GPR137C: variants seen among roughly 807,000 people sequenced by gnomAD.
GPR137C encodes the protein integral membrane protein GPR137C.
Under a neutral mutation model 43.4 loss-of-function variants are expected in GPR137C, and 27 were observed. The ratio of observed to expected loss-of-function variants is 0.62; its 90% CI spans 0.46 to 0.86. GPR137C has a LOEUF of 0.86. GPR137C is among the 40% of genes least tolerant of loss of function. GPR137C has a pLI of 0.00. For missense variants in GPR137C, 522 were observed against 534.6 expected, an observed-to-expected ratio of 0.98 and a Z score of 0.23; for synonymous variants, 285 against 226.9, an observed-to-expected ratio of 1.26 and a Z score of -2.30.
intron 4 of GPR137C, among the ~76,000 whole-genome samples, chr14:52,633,032 C>G (rs531808688): frequency 6.6e-6 from 1 of 152,200 alleles, no homozygotes; most frequent in African/African-American, 2.4e-5. Flanking sequence ...ATTCTATTCA[C>G]TCCTTTTTCC....
intron 1 of GPR137C, among the ~76,000 whole-genome samples, chr14:52,596,407 C>A (rs2038855723): frequency 6.6e-6 from 1 of 152,212 alleles, no homozygotes; most frequent in Non-Finnish European, 1.5e-5. Context: ...GCCTTTTGTT[C>A]AGCTATGCCC....
At chr14:52,582,754 A>G (rs1293299167) in intron 1 of GPR137C, among the ~76,000 whole-genome samples, 1 of 152,206 alleles carries the variant, frequency 6.6e-6, no homozygotes, top group Admixed American at 6.5e-5. Flanking sequence ...AGATCATGGC[A>G]GTGCACTCCA....
intron 1 of GPR137C, among the ~76,000 whole-genome samples, chr14:52,565,418 T>G (rs2038353763): frequency 6.6e-6 from 1 of 152,192 alleles, no homozygotes; most frequent in Non-Finnish European, 1.5e-5. Flanking sequence ...AATTTATACC[T>G]TATGGAAAAA....
At chr14:52,580,837 T>C in intron 1 of GPR137C, among the ~76,000 whole-genome samples, 1 of 147,642 alleles carries the variant, frequency 6.8e-6, no homozygotes, top group Middle Eastern at 3.6e-3. Context: ...AATATTTATA[T>C]GTATATATTA....
chr14:52,631,290 T>C (rs2039290996), intron 3 of GPR137C, among the ~76,000 whole-genome samples: 1 of 152,158 alleles, frequency 6.6e-6, no homozygotes, highest in South Asian at 2.1e-4. Context: ...TTGCAAGTCA[T>C]CTAGCATCCC....
At chr14:52,564,182 G>C (rs546551723) in intron 1 of GPR137C, among the ~76,000 whole-genome samples, 8 of 150,622 alleles carry the variant, frequency 5.3e-5, no homozygotes, top group Admixed American at 2.0e-4. Flanking sequence ...GGCTGAGGCA[G>C]GAGAATTGCT....
chr14:52,560,238 G>A (rs1195451431), intron 1 of GPR137C, among the ~76,000 whole-genome samples: 1 of 152,038 alleles, frequency 6.6e-6, no homozygotes, highest in East Asian at 1.9e-4. Context: ...ACCTCTACAA[G>A]GAAAACTACA....
chr14:52,585,889 C>T (rs1278732916), intron 1 of GPR137C, among the ~76,000 whole-genome samples: 1 of 152,070 alleles, frequency 6.6e-6, no homozygotes, highest in African/African-American at 2.4e-5. Flanking sequence ...AGTGAAAGAC[C>T]GTTTATCACT....
chr14:52,562,286 T>C (rs1039433048), intron 1 of GPR137C, among the ~76,000 whole-genome samples: 4 of 152,234 alleles, frequency 2.6e-5, no homozygotes, highest in Non-Finnish European at 4.4e-5. Flanking sequence ...TTCCTTCTTA[T>C]AAAAATTAGA....
chr14:52,558,315 T>A (rs189460065), intron 1 of GPR137C, among the ~76,000 whole-genome samples: 137 of 152,284 alleles, frequency 9.0e-4, no homozygotes, highest in Non-Finnish European at 1.6e-3. Flanking sequence ...CAGAATCCTT[T>A]AAGTGTACAC....
chr14:52,575,331 G>T (rs1454062669), intron 1 of GPR137C, among the ~76,000 whole-genome samples: 1 of 152,158 alleles, frequency 6.6e-6, no homozygotes, highest in African/African-American at 2.4e-5. Context: ...GGAGGCCGAG[G>T]CTTCAGTGAG....
chr14:52,581,409 G>T (rs1009138902), intron 1 of GPR137C, among the ~76,000 whole-genome samples: 2 of 149,766 alleles, frequency 1.3e-5, no homozygotes, highest in East Asian at 2.0e-4. Context: ...GGTGATGCAC[G>T]CCTGTAATTC....
chr14:52,594,562 C>T, intron 1 of GPR137C, among the ~76,000 whole-genome samples: 1 of 152,116 alleles, frequency 6.6e-6, no homozygotes, highest in East Asian at 1.9e-4. Context: ...ATCCCTTTAC[C>T]ATTCAGTAAT....
intron 2 of GPR137C, among the ~76,000 whole-genome samples, chr14:52,599,263 A>G (rs2139524562): frequency 6.6e-6 from 1 of 152,314 alleles, no homozygotes; most frequent in East Asian, 1.9e-4. Flanking sequence ...CTTCATGCAC[A>G]GTAAATATGC....
intron 3 of GPR137C, among the ~76,000 whole-genome samples, chr14:52,605,946 G>A (rs2038979219): frequency 6.6e-6 from 1 of 152,182 alleles, no homozygotes. Context: ...CTGTTTGCCA[G>A]TATTTTGTCA....
intron 3 of GPR137C, among the ~76,000 whole-genome samples, chr14:52,615,951 CA>C (rs2039093861): frequency 6.6e-6 from 1 of 152,128 alleles, no homozygotes; most frequent in Admixed American, 6.6e-5. Flanking sequence ...TCTACTCTTT[CA>C]TTTTTTTATT....
intron 3 of GPR137C, among the ~76,000 whole-genome samples, chr14:52,610,976 ATGTT>A (rs1281747860): frequency 2.0e-5 from 3 of 152,188 alleles, no homozygotes; most frequent in Non-Finnish European, 4.4e-5. Context: ...TTACATGGAT[ATGTT>A]TGTTTGCTTA....
At chr14:52,619,806 G>C (rs1409922502) in intron 3 of GPR137C, among the ~76,000 whole-genome samples, 1 of 152,090 alleles carries the variant, frequency 6.6e-6, no homozygotes, top group African/African-American at 2.4e-5. Context: ...TTGTGAAACT[G>C]TGTAGGCCTT....
chr14:52,583,193 C>A (rs988041216), intron 1 of GPR137C, among the ~76,000 whole-genome samples: 1 of 152,092 alleles, frequency 6.6e-6, no homozygotes, highest in African/African-American at 2.4e-5. Context: ...TAAAAAAAAT[C>A]TACATAAAGC....
Sources: gnomAD v4.1 joint callset for allele counts (sites outside exome capture counted in the v4.1 genomes callset) on GRCh38, gnomAD v4.1.1 for gene constraint, MANE v1.5 for transcripts, NCBI Gene and HGNC (gene_info 2026-07-23, HGNC 2026-07-21) for gene names.